Variants in PIGW observed in about 807,000 individuals in gnomAD.
PIGW encodes the protein phosphatidylinositol glycan anchor biosynthesis class W, also known as glucosaminyl-phosphatidylinositol-acyltransferase PIGW.
In PIGW, 23 loss-of-function variants were observed where a neutral mutation model predicts 34.0. That is an observed-to-expected ratio of 0.68 (90% CI 0.49 to 0.96). The LOEUF is 0.96. Ranked by LOEUF, PIGW falls within the 40% of genes least tolerant of loss-of-function variation. The probability of loss-of-function intolerance (pLI) is 0.00; values close to 1 mark genes in which losing one functional copy is unlikely to be tolerated. For missense variants in PIGW, 574 were observed against 586.3 expected (o/e 0.98, Z 0.22); for synonymous variants, 225 against 225.2 (o/e 1.00, Z 0.01).
rs967931439 is a variant in PIGW, at chr17:36,535,370, G to A, written c.-231G>A. 2 of 152,352 alleles carry A rather than the reference G, an allele frequency of 1.3e-5. No homozygotes were observed. Among genetic ancestry groups the A allele is most frequent in the African/African-American group, 2.4e-5 (1 of 41,474 alleles). The allele number at this position is 152,352 out of a possible 1,614,324, so 9.4% of individuals were successfully genotyped here. On this transcript the variant is annotated 5_prime_UTR_variant, in exon 1 of 2. Transcript: ENST00000614443. ...AAGATCTGGCCTGCACCAGCCCAAA[G>A]GACATGACAGGAGTGGGTAGCCCAC... is the stretch of plus-strand genomic sequence containing the variant.
rs2074164690 is a variant in PIGW, at chr17:36,537,886, G to A, written c.785G>A (p.Trp262Ter). The change falls in exon 2 of 2, where the codon TGG (tryptophan) becomes TAG (stop). Residue 262 changes from tryptophan (W) to a stop codon, truncating the protein, a stop_gained. Coordinates refer to ENST00000614443, the MANE Select transcript of PIGW (RefSeq NM_001346754.2). LOFTEE classifies it high-confidence loss of function. Reference sequence around the variant, plus strand: ...ATTATTTTTCCCCTAAATAAGTCCTGGATTATTGCCCTCGGCATTACTGTA... The same window carrying A: ...ATTATTTTTCCCCTAAATAAGTCCTAGATTATTGCCCTCGGCATTACTGTA... ...LLIIFPLNKSWIIALGITVLY... is the reference protein window; with the variant it reads ...LLIIFPLNKS 2 of 1,613,944 alleles carry A rather than the reference G, an allele frequency of 1.2e-6. No individual in the cohort carries two copies. The highest frequency in any genetic ancestry group is 1.7e-6 in the Non-Finnish European group (2 of 1,180,022).
At chr17:36,536,537 T>C (rs1171682728) in intron 1 of PIGW, among the ~76,000 whole-genome samples, 1 of 148,618 alleles carries the variant, frequency 6.7e-6, no homozygotes, top group African/African-American at 2.5e-5. Flanking sequence ...TTTTTTTTTT[T>C]TTTTTTGAGA....
chr17:36,537,681 T>G lies in PIGW; in HGVS notation c.580T>G (p.Ser194Ala). ...CAGGAGGAGAAAATATATGGAAGGG[T>G]CCAAATTGCATTACTTTACAAACTC... is the stretch of plus-strand genomic sequence containing the variant. ...EVRRRKYMEG[S>A]KLHYFTNSLY... Residue 194 changes from serine (S) to alanine (A), a missense_variant, in exon 2 of 2, where the codon TCC becomes GCC. Transcript: ENST00000614443. 2.5e-6 allele frequency: 4 copies of G among 1,614,036 alleles called. No homozygotes were observed. Among genetic ancestry groups the G allele is most frequent in the Non-Finnish European group, 3.4e-6 (4 of 1,180,002 alleles).
Position 36,535,031 on chromosome 17 carries a change from T to G in PIGW, c.-570T>G, listed in dbSNP as rs1430861323. The stretch of plus-strand genomic sequence containing the variant: ...CACGTGGCTTGGCCGGGACGCCTGG[T>G]CCGGCTTGCTGGCTTCAACTACGGT... On this transcript the variant is annotated 5_prime_UTR_variant, in exon 1 of 2. Coordinates refer to ENST00000614443, the MANE Select transcript of PIGW (RefSeq NM_001346754.2). 6.6e-6 allele frequency: 1 copy of G among 152,350 alleles called. No individual in the cohort carries two copies. Among genetic ancestry groups the G allele is most frequent in the Non-Finnish European group, 1.5e-5 (1 of 68,124 alleles). The allele number at this position is 152,350 out of a possible 1,614,324, so 9.4% of individuals were successfully genotyped here.
At position 36,537,723 on chromosome 17, in the gene PIGW, C is replaced by T; in HGVS notation, c.622C>T (p.Pro208Ser). 1 of 1,614,064 alleles carries T rather than the reference C, an allele frequency of 6.2e-7. No individual in the cohort carries two copies. The highest frequency in any genetic ancestry group is 8.5e-7 in the Non-Finnish European group (1 of 1,180,014). The change falls in exon 2 of 2, where the codon CCA (proline) becomes TCA (serine). Residue 208 changes from proline to serine, a missense_variant. Pro to Ser is a moderately conservative substitution (Grantham distance 74). Coordinates refer to ENST00000614443, the MANE Select transcript of PIGW (RefSeq NM_001346754.2). ...TACAAACTCATTGTACTCTGTTTGGCCATTAGTCTTCCTAGGAATCGGACG... is the reference window on the plus strand; with the variant it reads ...TACAAACTCATTGTACTCTGTTTGGTCATTAGTCTTCCTAGGAATCGGACG... ...YFTNSLYSVW[P>S]LVFLGIGRLA...
rs1467853330 is a variant in PIGW at position 36,538,102 on chromosome 17, AAG to A, written c.1003_1004del (p.Asp335LeufsTer14). 6.2e-6 allele frequency: 10 copies of A among 1,614,102 alleles called. No homozygotes were observed. Among genetic ancestry groups the A allele is most frequent in the Non-Finnish European group, 8.5e-6 (10 of 1,180,054 alleles). ...ATGCATAAGAACCGATCACATATCA[AAG>A]ACTTGATAAAAGTAGCCTGTTTTCT... On this transcript the variant is annotated frameshift_variant, in exon 2 of 2. Coordinates refer to ENST00000614443, the MANE Select transcript of PIGW (RefSeq NM_001346754.2). LOFTEE classifies it high-confidence loss of function.
chr17:36,538,292 T>G lies in PIGW; in HGVS notation c.1191T>G (p.Phe397Leu), dbSNP rs1286397744. The G allele has an allele frequency of 6.2e-7, 1 of 1,613,468 alleles. No homozygotes were observed. The highest frequency in any genetic ancestry group is 1.1e-5 in the South Asian group (1 of 90,990). The change falls in exon 2 of 2, where the codon TTT (phenylalanine) becomes TTG (leucine). Residue 397 changes from phenylalanine (F) to leucine (L), a missense_variant. Transcript: ENST00000614443. ...TACTGGGTGATATAATTTTGAGTTT[T>G]GCCAAATTTCTAATTAAAGGAGCTC... ...SLLLGDIILSFAKFLIKGALV... is the reference protein window; with the variant it reads ...SLLLGDIILSLAKFLIKGALV...
chr17:36,538,032 G>T lies in PIGW; in HGVS notation c.931G>T (p.Gly311Trp). The change falls in exon 2 of 2, where the codon GGG becomes TGG. Residue 311 changes from glycine (G) to tryptophan (W), a missense_variant. Gly to Trp is a radical substitution (Grantham distance 184). Transcript: ENST00000614443. Reference protein sequence around the residue: ...ANREGIISTLGYVAIHMAGVQ... With the variant: ...ANREGIISTLWYVAIHMAGVQ... ...CCGCGAAGGAATAATCTCTACCCTG[G>T]GGTATGTGGCAATACACATGGCTGG... 4.3e-6 allele frequency: 7 copies of T among 1,614,050 alleles called. No individual in the cohort carries two copies. Among genetic ancestry groups the T allele is most frequent in the Non-Finnish European group, 5.9e-6 (7 of 1,180,026 alleles).
rs1304662467 is a variant in PIGW, at chr17:36,537,710, G to T, written c.609G>T (p.Leu203Phe). 2 of 1,614,138 alleles carry T rather than the reference G, an allele frequency of 1.2e-6. No individual in the cohort carries two copies. Among genetic ancestry groups the T allele is most frequent in the Non-Finnish European group, 1.7e-6 (2 of 1,180,028 alleles). The stretch of plus-strand genomic sequence containing the variant: ...AATTGCATTACTTTACAAACTCATT[G>T]TACTCTGTTTGGCCATTAGTCTTCC... ...GSKLHYFTNS[L>F]YSVWPLVFLG... The change falls in exon 2 of 2, where the codon TTG becomes TTT. Residue 203 changes from leucine (L) to phenylalanine (F), a missense_variant. Leu to Phe is a conservative substitution (Grantham distance 22). Transcript: ENST00000614443.
In PIGW at chr17:36,535,521, T is replaced by TGGCGGGTGCAGCGGCAG. The variant is rs1160792591; in HGVS notation, c.-79_-63dup. On this transcript the variant is annotated 5_prime_UTR_variant, in exon 1 of 2. The change creates a premature stop within an existing upstream ORF in the 5' untranslated region. Transcript: ENST00000614443. ...GGAAGCGGCTGGTTCCCGCGTGGTTTGGCGGGTGCAGCGGCAGTCCGGCTG... is the reference window on the plus strand; with the variant it reads ...GGAAGCGGCTGGTTCCCGCGTGGTTTGGCGGGTGCAGCGGCAGGGCGGGTGCAGCGGCAGTCCGGCTG... The TGGCGGGTGCAGCGGCAG allele has an allele frequency of 1.3e-5, 2 of 152,206 alleles. No homozygotes were observed. The highest frequency in any genetic ancestry group is 4.8e-5 in the African/African-American group (2 of 41,470). The allele number at this position is 152,206 out of a possible 1,614,324, so 9.4% of individuals were successfully genotyped here.
chr17:36,538,400 A>T lies in PIGW; in HGVS notation c.1299A>T (p.Arg433Ser), dbSNP rs1193796696. Residue 433 changes from arginine (R) to serine (S), a missense_variant, in exon 2 of 2, where the codon AGA (arginine) becomes AGT (serine). Arg to Ser is a moderately radical substitution (Grantham distance 110). Coordinates refer to ENST00000614443, the MANE Select transcript of PIGW (RefSeq NM_001346754.2). ...HSESLVPEAERMEPSLCLITA... is the reference protein window; with the variant it reads ...HSESLVPEAESMEPSLCLITA... ...AATCTCTAGTCCCTGAAGCCGAAAG[A>T]ATGGAACCCAGTCTTTGTTTAATCA... 1.2e-6 allele frequency: 2 copies of T among 1,614,178 alleles called. No individual in the cohort carries two copies. Among genetic ancestry groups the T allele is most frequent in the East Asian group, 4.5e-5 (2 of 44,876 alleles).
Position 36,537,206 on chromosome 17 carries a change from C to T in PIGW, c.105C>T (p.Cys35=), listed in dbSNP as rs2142613785. 6.2e-7 allele frequency: 1 copy of T among 1,614,128 alleles called. No individual in the cohort carries two copies. Among genetic ancestry groups the T allele is most frequent in the East Asian group, 2.2e-5 (1 of 44,882 alleles). The change falls in exon 2 of 2, where the codon TGC becomes TGT. Residue 35 remains cysteine, a synonymous_variant. Transcript: ENST00000614443. The stretch of plus-strand genomic sequence containing the variant: ...GCTTTCCTGCATTCTGTATCCTGTG[C>T]AGAGGGTTCCTGATCATTTTCTCAC... ...GLCFPAFCIL[C]RGFLIIFSQY... is the part of the protein sequence containing the mutation.
chr17:36,538,081 A>C lies in PIGW; in HGVS notation c.980A>C (p.His327Pro). The change falls in exon 2 of 2, where the codon CAT becomes CCT. Residue 327 changes from histidine (H) to proline (P), a missense_variant. Physicochemically the swap from His to Pro is moderately conservative, Grantham distance 77. Transcript: ENST00000614443. ...GGTGTGCAAACAGGGTTATATATGCATAAGAACCGATCACATATCAAAGAC... is the reference window on the plus strand; with the variant it reads ...GGTGTGCAAACAGGGTTATATATGCCTAAGAACCGATCACATATCAAAGAC... ...MAGVQTGLYMHKNRSHIKDLI... is the reference protein window; with the variant it reads ...MAGVQTGLYMPKNRSHIKDLI... 6.2e-7 allele frequency: 1 copy of C among 1,614,222 alleles called. No individual in the cohort carries two copies. The highest frequency in any genetic ancestry group is 8.5e-7 in the Non-Finnish European group (1 of 1,180,044).
chr17:36,536,395 A>G (rs2074123875), intron 1 of PIGW, among the ~76,000 whole-genome samples: 1 of 152,164 alleles, frequency 6.6e-6, no homozygotes, highest in African/African-American at 2.4e-5. Flanking sequence ...AGTAAATCCT[A>G]TTCAATTTGC....
rs776328341 is a variant in PIGW, at chr17:36,538,600, CTG to C, written c.1501_1502del (p.Val501ThrfsTer18). 10 of 1,599,888 alleles carry C rather than the reference CTG, an allele frequency of 6.3e-6. No homozygotes were observed. Among genetic ancestry groups the C allele is most frequent in the East Asian group, 4.5e-5 (2 of 44,702 alleles). On this transcript the variant is annotated frameshift_variant, in exon 2 of 2. Coordinates refer to ENST00000614443, the MANE Select transcript of PIGW (RefSeq NM_001346754.2). LOFTEE classifies it high-confidence loss of function. ...TATGTACTATATTTGCAAGATAAGA[CTG>C]TACAATTTTGGTGATCAGCAGGAGT...
In PIGW at chr17:36,539,014, C is replaced by T; in HGVS notation, c.*398C>T. 5.7e-6 allele frequency: 1 copy of T among 174,314 alleles called. No individual in the cohort carries two copies. The highest frequency in any genetic ancestry group is 1.9e-4 in the South Asian group (1 of 5,276). 10.8% of individuals were successfully genotyped at this position (174,314 alleles called of 1,614,324 possible). A position where few individuals can be genotyped will look rare whatever the true frequency, so the allele number is the denominator to read the frequency against. On this transcript the variant is annotated 3_prime_UTR_variant, in exon 2 of 2. Coordinates refer to ENST00000614443, the MANE Select transcript of PIGW (RefSeq NM_001346754.2). The stretch of plus-strand genomic sequence containing the variant: ...AGTGATAACACCCACCTTGGCCTCC[C>T]AAAGTGCTGGGATTACAGGTGTGAG...
intron 1 of PIGW, among the ~76,000 whole-genome samples, chr17:36,536,673 C>T (rs1158041154): frequency 6.6e-6 from 1 of 152,004 alleles, no homozygotes; most frequent in Non-Finnish European, 1.5e-5. Flanking sequence ...TGCCATCACG[C>T]CTGGCTAATT....
chr17:36,538,646 G>A lies in PIGW; in HGVS notation c.*30G>A. Reference sequence around the variant, plus strand: ...CAGGAGTAGGATATATAAGTATTTGGGCAATATTTAATGAGGAATATTAAT... The same window carrying A: ...CAGGAGTAGGATATATAAGTATTTGAGCAATATTTAATGAGGAATATTAAT... On this transcript the variant is annotated 3_prime_UTR_variant, in exon 2 of 2. Transcript: ENST00000614443. 6.8e-7 allele frequency: 1 copy of A among 1,474,970 alleles called. No individual in the cohort carries two copies. The allele number at this position is 1,474,970 out of a possible 1,614,324, so 91.4% of individuals were successfully genotyped here.
chr17:36,537,020 A>T, intron 1 of PIGW, 74 bp from the exon 2 acceptor site: 2 of 1,331,012 alleles, frequency 1.5e-6, no homozygotes, highest in Non-Finnish European at 1.0e-6. Context: ...ATAAGAGTAA[A>T]ATTAAGCCAG....
Sources: gnomAD v4.1 joint callset for allele counts (sites outside exome capture counted in the v4.1 genomes callset) on GRCh38, gnomAD v4.1.1 for gene constraint, MANE v1.5 for transcripts, NCBI Gene and HGNC (gene_info 2026-07-23, HGNC 2026-07-21) for gene names.